The following GPC5 variants were observed in gnomAD, a reference collection of about 807,000 sequenced individuals.
The protein encoded by GPC5 is glypican-5.
A neutral mutation model predicts 53.9 loss-of-function variants in GPC5; 47 were observed. The observed-to-expected ratio is 0.87, with a 90% CI of 0.69 to 1.11. GPC5 has a LOEUF of 1.11. GPC5 is among the 50% of genes most tolerant of loss of function. The probability of loss-of-function intolerance (pLI) is 0.00; values close to 1 mark genes in which losing one functional copy is unlikely to be tolerated. For synonymous variants in GPC5, 286 were observed against 263.3 expected (o/e 1.09, Z -0.84); for missense variants, 748 against 713.1 (o/e 1.05, Z -0.56).
At chr13:91,923,163 G>A (rs951664095) in intron 6 of GPC5, among the ~76,000 whole-genome samples, 2 of 152,134 alleles carry the variant, frequency 1.3e-5, no homozygotes, top group Non-Finnish European at 2.9e-5. Flanking sequence ...ATCTTTTAGA[G>A]CACTCCTTTG....
At chr13:92,190,979 C>G (rs1472446607) in intron 7 of GPC5, among the ~76,000 whole-genome samples, 1 of 152,050 alleles carries the variant, frequency 6.6e-6, no homozygotes, top group Non-Finnish European at 1.5e-5. Flanking sequence ...AAAATACCCA[C>G]TTTAAAATAT....
chr13:91,459,573 A>G (rs1359706573), intron 2 of GPC5, among the ~76,000 whole-genome samples: 1 of 119,470 alleles, frequency 8.4e-6, no homozygotes. Flanking sequence ...CCCAGGCTGT[A>G]GGAGGGGCTT....
intron 5 of GPC5, among the ~76,000 whole-genome samples, chr13:91,859,034 CTTTTT>C (rs57168055): frequency 1.6e-4 from 22 of 140,716 alleles, no homozygotes; most frequent in African/African-American, 2.1e-4. Context: ...TTATTTAGGT[CTTTTT>C]TTTTTTTTTT....
chr13:92,024,604 G>C (rs2040785929), intron 6 of GPC5, among the ~76,000 whole-genome samples: 1 of 152,066 alleles, frequency 6.6e-6, no homozygotes, highest in African/African-American at 2.4e-5. Context: ...TCTGTTTTTA[G>C]AGTGGTATAT....
At chr13:91,654,060 G>A (rs1164110958) in intron 2 of GPC5, among the ~76,000 whole-genome samples, 4 of 152,198 alleles carry the variant, frequency 2.6e-5, no homozygotes, top group Middle Eastern at 3.4e-3. Context: ...GACTTAAGAA[G>A]GCATTACCAG....
chr13:92,240,033 T>C (rs2042600158), intron 7 of GPC5: 1 of 152,080 alleles, frequency 6.6e-6, no homozygotes, highest in Admixed American at 6.6e-5. Flanking sequence ...TTCTAGCTTT[T>C]TTATATGAAA....
At chr13:92,566,182 A>G (rs914053336) in intron 7 of GPC5, among the ~76,000 whole-genome samples, 5 of 152,072 alleles carry the variant, frequency 3.3e-5, no homozygotes, top group African/African-American at 1.2e-4. Context: ...GGTCCTATAC[A>G]CTATTGAAAT....
At chr13:91,752,271 G>T (rs1023593429) in intron 4 of GPC5, among the ~76,000 whole-genome samples, 1 of 152,112 alleles carries the variant, frequency 6.6e-6, no homozygotes, top group Non-Finnish European at 1.5e-5. Context: ...TGTATGTATA[G>T]ACAGGGTCTC....
intron 6 of GPC5, among the ~76,000 whole-genome samples, chr13:92,044,847 A>C (rs1349440521): frequency 6.6e-6 from 1 of 152,180 alleles, no homozygotes; most frequent in Non-Finnish European, 1.5e-5. Context: ...GAATATGCCT[A>C]CTTCTGGCAA....
At chr13:92,862,574 G>A (rs181465306) in intron 7 of GPC5, among the ~76,000 whole-genome samples, 205 of 151,890 alleles carry the variant, frequency 1.3e-3, no homozygotes, top group African/African-American at 4.6e-3. Context: ...TATTTGACTC[G>A]TCTAAGTGTC....
At chr13:92,407,899 A>G (rs1238747894) in intron 7 of GPC5, among the ~76,000 whole-genome samples, 1 of 152,234 alleles carries the variant, frequency 6.6e-6, no homozygotes, top group African/African-American at 2.4e-5. Context: ...AATAACTTCA[A>G]TTTATTTTAC....
At chr13:91,929,445 G>A (rs949376898) in intron 6 of GPC5, among the ~76,000 whole-genome samples, 8 of 151,888 alleles carry the variant, frequency 5.3e-5, no homozygotes, top group Admixed American at 2.0e-4. Context: ...CCACTAATTC[G>A]TTGTTTTCTA....
intron 1 of GPC5, among the ~76,000 whole-genome samples, chr13:91,417,026 C>T (rs947837520): frequency 6.6e-6 from 1 of 152,074 alleles, no homozygotes; most frequent in Non-Finnish European, 1.5e-5. Context: ...TACAGAGGCA[C>T]TTCTTGAAAA....
chr13:91,694,643 T>C (rs1050687332), intron 3 of GPC5, among the ~76,000 whole-genome samples: 5 of 152,184 alleles, frequency 3.3e-5, no homozygotes, highest in African/African-American at 1.2e-4. Context: ...CAGAGTGAAA[T>C]AGGATAGCAT....
intron 7 of GPC5, among the ~76,000 whole-genome samples, chr13:92,493,157 C>G (rs1879830126): frequency 6.6e-6 from 1 of 152,078 alleles, no homozygotes. Context: ...TTTAAAAATT[C>G]TCATCTGCAT....
intron 7 of GPC5, among the ~76,000 whole-genome samples, chr13:92,202,927 C>T (rs1435552220): frequency 1.3e-5 from 2 of 151,946 alleles, no homozygotes; most frequent in Non-Finnish European, 2.9e-5. Context: ...AACTTATGCT[C>T]CTTATTAATT....
At chr13:92,133,152 C>G (rs1381947770) in intron 6 of GPC5, among the ~76,000 whole-genome samples, 1 of 152,128 alleles carries the variant, frequency 6.6e-6, no homozygotes, top group Non-Finnish European at 1.5e-5. Context: ...AAATGGCACC[C>G]ATTTTTCTCA....
intron 2 of GPC5, among the ~76,000 whole-genome samples, chr13:91,502,331 C>T (rs996444094): frequency 2.0e-5 from 3 of 152,016 alleles, no homozygotes; most frequent in African/African-American, 7.2e-5. Context: ...ATGCCTATGT[C>T]CTGAATGGTA....
chr13:91,932,407 T>C (rs1242765083), intron 6 of GPC5, among the ~76,000 whole-genome samples: 1 of 152,052 alleles, frequency 6.6e-6, no homozygotes, highest in Admixed American at 6.6e-5. Flanking sequence ...GTCCTTCACA[T>C]TTAGCTCTGA....
Sources: allele counts gnomAD v4.1 joint callset (sites outside exome capture counted in the v4.1 genomes callset), GRCh38; gene constraint gnomAD v4.1.1; transcripts MANE v1.5; gene names NCBI Gene and HGNC (gene_info 2026-07-23, HGNC 2026-07-21).